The following ERC1 variants were observed in gnomAD, a reference collection of about 807,000 sequenced individuals.
The protein encoded by ERC1 is ELKS/RAB6-interacting/CAST family member 1.
ERC1 carries 56 observed loss-of-function variants against 132.0 expected under a neutral mutation model. The ratio of observed to expected loss-of-function variants is 0.42; its 90% CI spans 0.34 to 0.53. ERC1 has a LOEUF of 0.53. Among genes scored for constraint, ERC1 ranks in the 20% least tolerant of loss-of-function variants. The pLI is 0.03. For missense variants in ERC1, 1,202 were observed against 1,349.9 expected (o/e 0.89, Z 1.72); for synonymous variants, 478 against 476.1 (o/e 1.00, Z -0.05).
At chr12:998,629 C>G (rs1223297536) in intron 1 of ERC1, 1 of 152,142 alleles carries the variant, frequency 6.6e-6, no homozygotes, top group Non-Finnish European at 1.5e-5. Flanking sequence ...TTGTTGTATT[C>G]TGTTATCAGC....
chr12:1,438,145 A>G lies in ERC1; in HGVS notation c.3025-6417A>G, dbSNP rs547897169. On this transcript the variant is annotated intron_variant, in intron 17 of 18. Transcript: ENST00000360905. ...AAAATAGCTGTGTTTAAATAAGAAC[A>G]TAACACATTGCTCCAAACCTTTGTG... is the stretch of plus-strand genomic sequence containing the variant. 2.6e-5 allele frequency among the ~76,000 whole-genome samples: 4 copies of G among 152,356 alleles called. No individual in the cohort carries two copies. In the East Asian group the frequency reaches 7.7e-4, roughly 29 times the overall value.
At chr12:1,201,084 A>T (rs966974564) in intron 12 of ERC1, among the ~76,000 whole-genome samples, 1 of 152,174 alleles carries the variant, frequency 6.6e-6, no homozygotes, top group Non-Finnish European at 1.5e-5. Flanking sequence ...CTATATTCTT[A>T]TACAATTTAA....
At chr12:1,320,621 A>G (rs2082051010) in intron 15 of ERC1, among the ~76,000 whole-genome samples, 1 of 152,238 alleles carries the variant, frequency 6.6e-6, no homozygotes. Context: ...TTTCACATGT[A>G]TGCAAGTATA....
intron 2 of ERC1, among the ~76,000 whole-genome samples, chr12:1,043,048 C>CTTT (rs397940397): frequency 4.2e-5 from 5 of 119,024 alleles, no homozygotes; most frequent in African/African-American, 1.6e-4. Flanking sequence ...CTTTTCTTTT[C>CTTT]TTTTTTTTTT....
chr12:1,307,036 GT>G (rs1170742556), intron 15 of ERC1, among the ~76,000 whole-genome samples: 1 of 152,112 alleles, frequency 6.6e-6, no homozygotes, highest in Non-Finnish European at 1.5e-5. Context: ...CCTAGAGACT[GT>G]TTATGACACG....
intron 2 of ERC1, among the ~76,000 whole-genome samples, chr12:1,031,515 A>G (rs1473893701): frequency 6.6e-6 from 1 of 152,214 alleles, no homozygotes; most frequent in East Asian, 1.9e-4. Flanking sequence ...AGTACAACGC[A>G]AATTAAAAAC....
Position 1,487,751 on chromosome 12 carries a change from AGGAGGCAAGGAG to A in ERC1, c.3214-2336_3214-2325del, listed in dbSNP as rs1471066130. Among the ~76,000 whole-genome samples, 23 of 87,854 alleles carry A rather than the reference AGGAGGCAAGGAG, an allele frequency of 2.6e-4. No individual in the cohort carries two copies. In the East Asian group the frequency reaches 5.7e-3, roughly 22 times the overall value. 57.6% of individuals were successfully genotyped at this position (87,854 alleles called of 152,430 possible). ...AGAAAGAGAGAGAGAGGAGAAGGGT[AGGAGGCAAGGAG>A]GGAGGGAGGGAGGGAGGAAGGAAGA... is the stretch of plus-strand genomic sequence containing the variant. On this transcript the variant is annotated intron_variant, in intron 18 of 18. Transcript: ENST00000360905.
chr12:1,224,548 T>C (rs2074405265), intron 12 of ERC1, among the ~76,000 whole-genome samples: 1 of 152,194 alleles, frequency 6.6e-6, no homozygotes, highest in African/African-American at 2.4e-5. Context: ...TACTACTTTG[T>C]ATATCTAGTC....
chr12:1,143,264 C>T (rs533865326), intron 8 of ERC1, among the ~76,000 whole-genome samples: 9 of 151,258 alleles, frequency 6.0e-5, no homozygotes, highest in Non-Finnish European at 1.0e-4. Context: ...AACTCCTGGC[C>T]CTAAGCCATC....
intron 18 of ERC1, among the ~76,000 whole-genome samples, chr12:1,450,699 T>C (rs1411144491): frequency 1.3e-5 from 2 of 152,200 alleles, no homozygotes; most frequent in African/African-American, 4.8e-5. Context: ...AACCCTATTT[T>C]CAATTTTTTG....
At chr12:1,105,639 G>C (rs1461261417) in intron 4 of ERC1, among the ~76,000 whole-genome samples, 1 of 152,160 alleles carries the variant, frequency 6.6e-6, no homozygotes, top group Non-Finnish European at 1.5e-5. Flanking sequence ...TTACAGGTGT[G>C]AGCCACCGCA....
intron 8 of ERC1, among the ~76,000 whole-genome samples, chr12:1,163,505 C>T (rs549597300): frequency 1.1e-4 from 17 of 152,122 alleles, no homozygotes; most frequent in Non-Finnish European, 4.4e-5. Context: ...TGCCCTAAAA[C>T]GCAGTGGCAT....
intron 15 of ERC1, among the ~76,000 whole-genome samples, chr12:1,345,187 C>CTTTTTTTTTTTTTTTTT (rs573681390): frequency 1.5e-4 from 20 of 131,486 alleles, no homozygotes; most frequent in African/African-American, 2.4e-4. Context: ...AATATTTCTT[C>CTTTTTTTTTTTTTTTTT]TTTTTTTTTT....
At chr12:1,013,900 T>G (rs1370927894) in intron 1 of ERC1, among the ~76,000 whole-genome samples, 1 of 151,324 alleles carries the variant, frequency 6.6e-6, no homozygotes, top group African/African-American at 2.4e-5. Flanking sequence ...CCTGGCTAAT[T>G]AAAAAAAAAG....
intron 15 of ERC1, among the ~76,000 whole-genome samples, chr12:1,333,713 T>A (rs985110225): frequency 1.3e-5 from 2 of 152,342 alleles, no homozygotes; most frequent in Admixed American, 1.3e-4. Context: ...GCAGTGAACA[T>A]ACACGTGCAT....
At chr12:1,450,494 T>C (rs2093402385) in intron 18 of ERC1, among the ~76,000 whole-genome samples, 1 of 152,250 alleles carries the variant, frequency 6.6e-6, no homozygotes, top group Non-Finnish European at 1.5e-5. Flanking sequence ...ATTTCGTTCC[T>C]TTTTAAGGCT....
intron 15 of ERC1, among the ~76,000 whole-genome samples, chr12:1,357,914 T>G (rs2085697853): frequency 6.6e-6 from 1 of 152,226 alleles, no homozygotes; most frequent in Non-Finnish European, 1.5e-5. Flanking sequence ...GTAGAGATTT[T>G]GATAGGATTT....
intron 15 of ERC1, among the ~76,000 whole-genome samples, chr12:1,309,495 C>G (rs1017808001): frequency 6.6e-6 from 1 of 152,166 alleles, no homozygotes; most frequent in Non-Finnish European, 1.5e-5. Context: ...AAATCATATA[C>G]TAGGTTGTTA....
chr12:1,300,620 C>T (rs772527883), intron 15 of ERC1, among the ~76,000 whole-genome samples: 2 of 152,016 alleles, frequency 1.3e-5, no homozygotes, highest in Non-Finnish European at 2.9e-5. Context: ...AAAAAACAAC[C>T]CCATTAAAAA....
Sources: allele counts gnomAD v4.1 joint callset (sites outside exome capture counted in the v4.1 genomes callset), GRCh38; gene constraint gnomAD v4.1.1; transcripts MANE v1.5; gene names NCBI Gene and HGNC (gene_info 2026-07-23, HGNC 2026-07-21).